The following XPNPEP1 variants were observed in gnomAD, a reference collection of about 807,000 sequenced individuals.
XPNPEP1 encodes X-prolyl aminopeptidase 1.
In XPNPEP1, 39 loss-of-function variants were observed where a neutral mutation model predicts 92.4. The ratio of observed to expected loss-of-function variants is 0.42; its 90% confidence interval spans 0.33 to 0.55. The LOEUF is 0.55. Ranked by LOEUF, XPNPEP1 falls within the 20% of genes least tolerant of loss-of-function variation. XPNPEP1 has a pLI of 0.08. For synonymous variants in XPNPEP1, 307 were observed against 299.4 expected (o/e 1.03, Z -0.26); for missense variants, 654 against 856.1 (o/e 0.76, Z 2.95).
Position 109,923,504 on chromosome 10 carries a change from C to G in XPNPEP1, c.-71G>C. ...CTGATCACCCGCGGAAGGGCCGGCG[C>G]GAAGGAGGCGCGAGAGCCGGCGGGC... is the stretch of plus-strand genomic sequence containing the variant. On this transcript the variant is annotated 5_prime_UTR_variant, in exon 1 of 21. Transcript: ENST00000502935. 8.0e-7 allele frequency: 1 copy of G among 1,248,946 alleles called. No individual in the cohort carries two copies. The allele number at this position is 1,248,946 out of a possible 1,614,324, so 77.4% of individuals were successfully genotyped here.
At chr10:109,868,527 T>C (rs1847268841) in intron 20 of XPNPEP1, 87 bp downstream of exon 20, 1 of 1,167,964 alleles carries the variant, frequency 8.6e-7, no homozygotes, top group African/African-American at 1.6e-5. Flanking sequence ...ATTAGAGAAT[T>C]TAGGATTTAG....
rs143935659 is a variant in XPNPEP1, at chr10:109,913,349, A to C, written c.121+1662T>G. ...ACTGCAGGAGCTCAAGAAATATTTG[A>C]ATCTGGATCTGAAGCACCAGCTGGA... On this transcript the variant is annotated intron_variant, in intron 2 of 20. Transcript: ENST00000502935. 6.2e-3 allele frequency among the ~76,000 whole-genome samples: 939 copies of C among 152,332 alleles called. 6 individuals carry two copies. Among genetic ancestry groups the C allele is most frequent in the African/African-American group, 0.022 (896 of 41,572 alleles).
Position 109,914,940 on chromosome 10 carries a change from A to C in XPNPEP1, c.121+71T>G. Reference sequence around the variant, plus strand: ...ATTCCTTACCCTCTTCTTCTCACCCAACCTGGGGTTGGGGTGGAGATCTAA... The same window carrying C: ...ATTCCTTACCCTCTTCTTCTCACCCCACCTGGGGTTGGGGTGGAGATCTAA... On this transcript the variant is annotated intron_variant, in intron 2 of 20. Transcript: ENST00000502935. 3 of 955,538 alleles carry C rather than the reference A, an allele frequency of 3.1e-6. No homozygotes were observed. The South Asian group carries it at 6.0e-5, about 19-fold the overall frequency. The allele number at this position is 955,538 out of a possible 1,614,324, so 59.2% of individuals were successfully genotyped here.
chr10:109,880,074 T>C, intron 12 of XPNPEP1, 114 bp downstream of exon 12: 3 of 1,021,546 alleles, frequency 2.9e-6, no homozygotes, highest in African/African-American at 1.6e-5. Context: ...AAAAATTTGA[T>C]GAAGATCTCA....
intron 12 of XPNPEP1, among the ~76,000 whole-genome samples, chr10:109,878,904 T>C (rs1182707986): frequency 1.3e-5 from 2 of 150,282 alleles, no homozygotes; most frequent in African/African-American, 2.5e-5. Context: ...AGAAAAAAAA[T>C]TTATCTGCAC....
At chr10:109,887,707 G>T (rs538918778) in intron 7 of XPNPEP1, among the ~76,000 whole-genome samples, 2 of 152,294 alleles carry the variant, frequency 1.3e-5, no homozygotes, top group South Asian at 2.1e-4. Context: ...GAAGGGAAAT[G>T]GAACCTAGAA....
intron 8 of XPNPEP1, among the ~76,000 whole-genome samples, chr10:109,885,905 G>A (rs1564763036): frequency 6.6e-6 from 1 of 152,154 alleles, no homozygotes; most frequent in Non-Finnish European, 1.5e-5. Context: ...AAAGAAAGAA[G>A]GCCTCTCCTA....
At chr10:109,922,501 G>A (rs549740322) in intron 1 of XPNPEP1, among the ~76,000 whole-genome samples, 2 of 152,164 alleles carry the variant, frequency 1.3e-5, no homozygotes, top group Non-Finnish European at 2.9e-5. Context: ...CTGTGGCAAC[G>A]GCAAATCCAG....
intron 3 of XPNPEP1, among the ~76,000 whole-genome samples, chr10:109,901,844 G>T (rs138578276): frequency 8.7e-4 from 132 of 152,118 alleles, no homozygotes; most frequent in Non-Finnish European, 1.7e-3. Flanking sequence ...CATTCAAATT[G>T]CGAAGTTTTG....
At position 109,914,949 on chromosome 10, in the gene XPNPEP1, T is replaced by C. The variant is rs942701905; in HGVS notation, c.121+62A>G. On this transcript the variant is annotated intron_variant, in intron 2 of 20. Coordinates refer to ENST00000502935, the MANE Select transcript of XPNPEP1 (RefSeq NM_020383.4). ...CCTCTTCTTCTCACCCAACCTGGGG[T>C]TGGGGTGGAGATCTAAAATCCTTTA... The C allele has an allele frequency of 8.5e-6, 9 of 1,057,988 alleles. No homozygotes were observed. In the African/African-American group the frequency reaches 1.1e-4, roughly 13 times the overall value. The allele number at this position is 1,057,988 out of a possible 1,614,324, so 65.5% of individuals were successfully genotyped here.
At chr10:109,870,994 AC>A in intron 17 of XPNPEP1, 90 bp from the exon 18 acceptor site, 1 of 1,436,762 alleles carries the variant, frequency 7.0e-7, no homozygotes, top group Non-Finnish European at 9.3e-7. Context: ...TGAAACAGAA[AC>A]CAATAGGTAA....
rs2133394591 is a variant in XPNPEP1 at position 109,880,858 on chromosome 10, C to T, written c.1115G>A (p.Gly372Asp). The stretch of plus-strand genomic sequence containing the variant: ...TCTACTCACGTGAGCCCGCCTCATG[C>T]CTTCTGACTCAGCTGAATTCTTCAC... ...KAVKNSAESE[G>D]MRRAHIKDAV... is the part of the protein sequence containing the mutation. The change falls in exon 11 of 21, where the codon GGC (glycine) becomes GAC (aspartate). Residue 372 changes from glycine to aspartate, a missense_variant. Coordinates refer to ENST00000502935, the MANE Select transcript of XPNPEP1 (RefSeq NM_020383.4). 6.2e-7 allele frequency: 1 copy of T among 1,614,040 alleles called. No homozygotes were observed. Among genetic ancestry groups the T allele is most frequent in the East Asian group, 2.2e-5 (1 of 44,868 alleles).
rs1006351467 is a variant in XPNPEP1, at chr10:109,892,124, C to T, written c.311-298G>A. Among the ~76,000 whole-genome samples, 3 of 152,156 alleles carry T rather than the reference C, an allele frequency of 2.0e-5. 1 individual carries two copies. Among genetic ancestry groups the T allele is most frequent in the Non-Finnish European group, 4.4e-5 (3 of 68,038 alleles). ...AGAACAGAGAATGGAGAACTGTAGA[C>T]CTATGGCCAAAGTGGTCTCGTATAA... On this transcript the variant is annotated intron_variant, in intron 4 of 20. Transcript: ENST00000502935.
chr10:109,893,335 A>G (rs1454893927), intron 3 of XPNPEP1: 1 of 354,234 alleles, frequency 2.8e-6, no homozygotes, highest in African/African-American at 2.1e-5. Context: ...CAGGAGAAAC[A>G]GATAAAAACT....
chr10:109,913,065 A>T (rs1187693401), intron 2 of XPNPEP1, among the ~76,000 whole-genome samples: 1 of 152,266 alleles, frequency 6.6e-6, no homozygotes, highest in Non-Finnish European at 1.5e-5. Context: ...AGCCAAGAGC[A>T]ACAGGCCTAG....
chr10:109,901,889 C>A (rs942894602), intron 3 of XPNPEP1, among the ~76,000 whole-genome samples: 29 of 152,132 alleles, frequency 1.9e-4, no homozygotes, highest in Admixed American at 1.6e-3. Context: ...GAAACCACAG[C>A]ATAAAAAGGA....
rs759669985 is a variant in XPNPEP1, at chr10:109,875,560, C to T, written c.1359G>A (p.Glu453=). 39 of 1,614,128 alleles carry T rather than the reference C, an allele frequency of 2.4e-5. 1 individual carries two copies. In the Admixed American group the frequency reaches 5.3e-4, roughly 22 times the overall value. Reference sequence around the variant, plus strand: ...GAGCACCCGAGTCAATAAGGTACACCTCATCCAGGGACAAGGTCCTATTCG... The same window carrying T: ...GAGCACCCGAGTCAATAAGGTACACTTCATCCAGGGACAAGGTCCTATTCG... ...PETNRTLSLD[E]VYLIDSGAQY... Residue 453 remains glutamate (E), a synonymous_variant, in exon 15 of 21, where the codon GAG becomes GAA. Coordinates refer to ENST00000502935, the MANE Select transcript of XPNPEP1 (RefSeq NM_020383.4).
chr10:109,908,595 C>T (rs1013025855), intron 2 of XPNPEP1, among the ~76,000 whole-genome samples: 3 of 151,978 alleles, frequency 2.0e-5, no homozygotes, highest in Non-Finnish European at 4.4e-5. Flanking sequence ...ACCAAGACTC[C>T]GTCTCAAAAA....
Position 109,865,289 on chromosome 10 carries a change from G to GT in XPNPEP1, c.1895dup (p.His632GlnfsTer46), listed in dbSNP as rs1564739208. On this transcript the variant is annotated frameshift_variant, in exon 21 of 21. Transcript: ENST00000502935. LOFTEE classifies it high-confidence loss of function. ...TCCCAATCACATCCCTGCAGGTCAG[G>GT]TGGTAATTGTTGAGCCAGTCGCACT... 1 of 1,614,194 alleles carries GT rather than the reference G, an allele frequency of 6.2e-7. No homozygotes were observed. Among genetic ancestry groups the GT allele is most frequent in the Non-Finnish European group, 8.5e-7 (1 of 1,180,038 alleles).
Sources: allele counts gnomAD v4.1 joint callset (sites outside exome capture counted in the v4.1 genomes callset), GRCh38; gene constraint gnomAD v4.1.1; transcripts MANE v1.5; gene names NCBI Gene and HGNC (gene_info 2026-07-23, HGNC 2026-07-21).